The following ADCY5 variants were observed in gnomAD, a reference collection of about 807,000 sequenced individuals.
ADCY5 encodes adenylate cyclase type 5.
In ADCY5, 30 loss-of-function variants were observed where a neutral mutation model predicts 119.7. The observed-to-expected ratio is 0.25, with a 90% CI of 0.19 to 0.34. The LOEUF (loss-of-function observed/expected upper bound fraction) is 0.34, where lower values mean the gene tolerates loss of function less well. ADCY5 is among the 10% of genes least tolerant of loss of function. The pLI is 1.00. For synonymous variants in ADCY5, 753 were observed against 762.2 expected (o/e 0.99, Z 0.20); for missense variants, 1,324 against 1,775.2 (o/e 0.75, Z 4.57).
At chr3:123,415,708 G>A (rs1002916095) in intron 1 of ADCY5, among the ~76,000 whole-genome samples, 1 of 152,132 alleles carries the variant, frequency 6.6e-6, no homozygotes, top group African/African-American at 2.4e-5. Flanking sequence ...TTACTACATT[G>A]TTTTTCTTTT....
At chr3:123,304,224 C>T (rs536458718) in intron 12 of ADCY5, 41 bp from the exon 13 acceptor site, 21 of 1,237,034 alleles carry the variant, frequency 1.7e-5, no homozygotes, top group African/African-American at 5.9e-5. Context: ...GAGGGAGAGA[C>T]GGAATAGCAT....
chr3:123,322,248 T>C (rs1370891434), intron 8 of ADCY5, among the ~76,000 whole-genome samples: 1 of 152,246 alleles, frequency 6.6e-6, no homozygotes, highest in Non-Finnish European at 1.5e-5. Flanking sequence ...AAAATTTTAC[T>C]ACGGAACCGA....
At chr3:123,333,985 GCTGGTGATAGAT>G (rs1424824071) in intron 3 of ADCY5, among the ~76,000 whole-genome samples, 1 of 152,104 alleles carries the variant, frequency 6.6e-6, no homozygotes, top group Admixed American at 6.5e-5. Flanking sequence ...CAGTGCACCA[GCTGGTGATAGAT>G]CTTTCACCCG....
rs1941171761 is a variant in ADCY5, at chr3:123,320,673, A to C, written c.2111+76T>G. 6.4e-6 allele frequency: 10 copies of C among 1,571,862 alleles called. No homozygotes were observed. In the South Asian group the frequency reaches 6.6e-5, roughly 10 times the overall value. On this transcript the variant is annotated intron_variant, in intron 9 of 20. Coordinates refer to ENST00000462833, the MANE Select transcript of ADCY5 (RefSeq NM_183357.3). ...GAGTCATTTTCCATGGAGTGTGGAG[A>C]AACCAAGTGATAAGGTGGATTGGGA...
At chr3:123,396,741 GGAA>G in intron 1 of ADCY5, among the ~76,000 whole-genome samples, 1 of 39,362 alleles carries the variant, frequency 2.5e-5, no homozygotes, top group African/African-American at 7.2e-5. Context: ...AAGGAAGGAA[GGAA>G]GGAAGGAAGG....
At chr3:123,404,984 T>C (rs1376446816) in intron 1 of ADCY5, among the ~76,000 whole-genome samples, 2 of 152,260 alleles carry the variant, frequency 1.3e-5, no homozygotes, top group Admixed American at 1.3e-4. Context: ...CACCTAACTC[T>C]GGGCCTCAGT....
chr3:123,360,312 A>T (rs9865576), intron 1 of ADCY5, among the ~76,000 whole-genome samples: 67,396 of 151,794 alleles, frequency 0.44, 16,811 homozygotes, highest in East Asian at 0.69. Context: ...TGCCCAGACA[A>T]CATCGCCTTT....
chr3:123,403,978 C>T (rs974789118), intron 1 of ADCY5, among the ~76,000 whole-genome samples: 4 of 152,202 alleles, frequency 2.6e-5, no homozygotes, highest in African/African-American at 9.7e-5. Context: ...GCCAGCTACA[C>T]ACAGGTGTTC....
At chr3:123,396,771 AAGGAAGGAAGGCAGGCAGGCAGGC>A (rs1944593442) in intron 1 of ADCY5, among the ~76,000 whole-genome samples, 1 of 70,222 alleles carries the variant, frequency 1.4e-5, no homozygotes, top group East Asian at 5.5e-4. Context: ...GGAAGGAAGG[AAGGAAGGAAGGCAGGCAGGCAGGC>A]AGGCAGGCAG....
chr3:123,387,819 A>G (rs1382597631), intron 1 of ADCY5, among the ~76,000 whole-genome samples: 1 of 152,268 alleles, frequency 6.6e-6, no homozygotes, highest in Non-Finnish European at 1.5e-5. Flanking sequence ...AGACACATCC[A>G]GTCTAGGAGG....
intron 11 of ADCY5, among the ~76,000 whole-genome samples, chr3:123,317,586 C>T (rs6801735): frequency 0.8 from 120,589 of 151,638 alleles, 48,365 homozygotes; most frequent in African/African-American, 0.87. Flanking sequence ...ATACAAAAAA[C>T]TAGCCAGGCG....
chr3:123,347,403 T>C (rs1163945958), intron 3 of ADCY5, among the ~76,000 whole-genome samples: 1 of 152,168 alleles, frequency 6.6e-6, no homozygotes, highest in Non-Finnish European at 1.5e-5. Context: ...GCATGGAAGC[T>C]GCCAGATGGT....
intron 1 of ADCY5, among the ~76,000 whole-genome samples, chr3:123,396,819 C>CGAGAGAGAGAGAGAGAGAGAGAGA (rs146072347): frequency 6.4e-5 from 4 of 62,366 alleles, no homozygotes; most frequent in African/African-American, 1.7e-4. Flanking sequence ...GGCAGGCAGG[C>CGAGAGAGAGAGAGAGAGAGAGAGA]GAGAGAGAGA....
chr3:123,391,621 A>G (rs1191894639), intron 1 of ADCY5, among the ~76,000 whole-genome samples: 1 of 152,182 alleles, frequency 6.6e-6, no homozygotes, highest in East Asian at 1.9e-4. Flanking sequence ...TAAATGCCAC[A>G]GTACAGAAAT....
At chr3:123,411,417 C>T (rs1184095105) in intron 1 of ADCY5, among the ~76,000 whole-genome samples, 1 of 152,164 alleles carries the variant, frequency 6.6e-6, no homozygotes, top group Non-Finnish European at 1.5e-5. Flanking sequence ...GTTAGATCAC[C>T]GGGCTGGGGG....
intron 1 of ADCY5, among the ~76,000 whole-genome samples, chr3:123,411,851 C>G (rs1224127627): frequency 4.6e-5 from 7 of 152,188 alleles, no homozygotes; most frequent in African/African-American, 1.7e-4. Context: ...GACAGCACAA[C>G]AGAGTCCCAG....
chr3:123,377,582 C>G (rs1943879491), intron 1 of ADCY5, among the ~76,000 whole-genome samples: 1 of 152,226 alleles, frequency 6.6e-6, no homozygotes, highest in South Asian at 2.1e-4. Flanking sequence ...GTGCAACTTC[C>G]CTGCTAGACT....
intron 1 of ADCY5, among the ~76,000 whole-genome samples, chr3:123,406,418 G>A (rs974453222): frequency 9.2e-5 from 14 of 152,170 alleles, no homozygotes; most frequent in African/African-American, 2.9e-4. Flanking sequence ...TCTTTTCCAC[G>A]GTGGTTGTCT....
chr3:123,435,851 TTTATTATTATTATTA>T lies in ADCY5; in HGVS notation c.1134+11546_1134+11560del, dbSNP rs34160272. 8.6e-4 allele frequency among the ~76,000 whole-genome samples: 108 copies of T among 125,884 alleles called. No individual in the cohort carries two copies. The South Asian group carries it at 0.012, about 14-fold the overall frequency. 82.6% of individuals were successfully genotyped at this position (125,884 alleles called of 152,430 possible). A position where few individuals can be genotyped will look rare whatever the true frequency, so the allele number is the denominator to read the frequency against. ...GCCTGGGCAACCTGGCAAGAGCCCT[TTTATTATTATTATTA>T]TTATTATTATTATTATTATTATTAT... On this transcript the variant is annotated intron_variant, in intron 1 of 20. Coordinates refer to ENST00000462833, the MANE Select transcript of ADCY5 (RefSeq NM_183357.3).
Sources: allele counts gnomAD v4.1 joint callset (sites outside exome capture counted in the v4.1 genomes callset), GRCh38; gene constraint gnomAD v4.1.1; transcripts MANE v1.5; gene names NCBI Gene and HGNC (gene_info 2026-07-23, HGNC 2026-07-21).